TULP4: variants seen among roughly 807,000 people sequenced by gnomAD.
TULP4 encodes TUB like protein 4.
In TULP4, 16 loss-of-function variants were observed where a neutral mutation model predicts 129.0. The observed-to-expected ratio is 0.12, with a 90% CI of 0.08 to 0.19. TULP4 has a LOEUF of 0.19. Ranked by LOEUF, TULP4 falls within the 10% of genes least tolerant of loss-of-function variation. The probability of loss-of-function intolerance (pLI) is 1.00; values close to 1 mark genes in which losing one functional copy is unlikely to be tolerated. For missense variants in TULP4, 1,842 were observed against 2,059.1 expected (o/e 0.89, Z 2.04); for synonymous variants, 998 against 854.0 (o/e 1.17, Z -2.94).
chr6:158,370,448 A>C (rs2114873285), intron 1 of TULP4, among the ~76,000 whole-genome samples: 1 of 83,496 alleles, frequency 1.2e-5, no homozygotes. Flanking sequence ...CAAGAACAAA[A>C]CTCCATCTCA....
intron 1 of TULP4, among the ~76,000 whole-genome samples, chr6:158,306,568 A>C (rs192422668): frequency 1.3e-5 from 2 of 152,352 alleles, no homozygotes; most frequent in Non-Finnish European, 2.9e-5. Flanking sequence ...AAATAAAGAA[A>C]GAAGGAAAGA....
intron 1 of TULP4, among the ~76,000 whole-genome samples, chr6:158,359,929 C>T (rs1041430888): frequency 3.9e-5 from 6 of 152,170 alleles, no homozygotes; most frequent in African/African-American, 1.4e-4. Flanking sequence ...TGCTCTTGCC[C>T]ATTCACTTAT....
chr6:158,440,739 A>G (rs1038887458), intron 3 of TULP4, among the ~76,000 whole-genome samples: 7 of 152,192 alleles, frequency 4.6e-5, no homozygotes, highest in African/African-American at 1.2e-4. Flanking sequence ...TCTTTATCCA[A>G]TGATTGGTAC....
At chr6:158,409,616 T>G (rs1159516789) in intron 1 of TULP4, among the ~76,000 whole-genome samples, 1 of 152,164 alleles carries the variant, frequency 6.6e-6, no homozygotes, top group African/African-American at 2.4e-5. Flanking sequence ...TGGAAGGATT[T>G]AGAGAACAGG....
chr6:158,441,145 G>A (rs370770919), intron 3 of TULP4, among the ~76,000 whole-genome samples: 46 of 151,944 alleles, frequency 3.0e-4, no homozygotes, highest in Non-Finnish European at 5.1e-4. Flanking sequence ...GTGAAACCCC[G>A]TATCTATTAA....
At chr6:158,451,112 A>G (rs982711608) in intron 4 of TULP4, among the ~76,000 whole-genome samples, 4 of 152,164 alleles carry the variant, frequency 2.6e-5, no homozygotes, top group Non-Finnish European at 4.4e-5. Context: ...GGAAAAAAAA[A>G]CAGGACTCAG....
intron 2 of TULP4, among the ~76,000 whole-genome samples, chr6:158,419,610 ATAAACACAT>A (rs1350855229): frequency 1.3e-5 from 2 of 152,250 alleles, no homozygotes; most frequent in African/African-American, 4.8e-5. Context: ...ACTTAAGGAC[ATAAACACAT>A]TTAAAGGATG....
At chr6:158,374,173 G>C (rs1777132297) in intron 1 of TULP4, among the ~76,000 whole-genome samples, 1 of 152,040 alleles carries the variant, frequency 6.6e-6, no homozygotes, top group Non-Finnish European at 1.5e-5. Flanking sequence ...TATAGCCCCA[G>C]CTACGTGGGA....
At chr6:158,394,509 C>T (rs191498248) in intron 1 of TULP4, among the ~76,000 whole-genome samples, 49 of 152,088 alleles carry the variant, frequency 3.2e-4, no homozygotes, top group Admixed American at 2.5e-3. Context: ...CATGGCTGGG[C>T]GCGGTGGCTC....
intron 1 of TULP4, among the ~76,000 whole-genome samples, chr6:158,350,853 C>T (rs1367573921): frequency 1.3e-5 from 2 of 151,758 alleles, no homozygotes; most frequent in South Asian, 2.1e-4. Flanking sequence ...CTCCGCCTCC[C>T]GGTTTCCAGC....
rs187944577 is a variant in TULP4 at position 158,340,413 on chromosome 6, C to T, written c.252+26145C>T. On this transcript the variant is annotated intron_variant, in intron 1 of 13. Coordinates refer to ENST00000367097, the MANE Select transcript of TULP4 (RefSeq NM_020245.5). ...AGTGAGTCTTTCCCTCCTGCCCTGA[C>T]GCTGCTTGGGCCCTCCTCTGTGTGC... Among the ~76,000 whole-genome samples the T allele has an allele frequency of 1.9e-3, 290 of 152,074 alleles. 1 individual carries two copies. The highest frequency in any genetic ancestry group is 6.5e-3 in the African/African-American group (271 of 41,446).
chr6:158,331,848 A>G (rs1002650054), intron 1 of TULP4, among the ~76,000 whole-genome samples: 2 of 146,322 alleles, frequency 1.4e-5, no homozygotes, highest in African/African-American at 5.0e-5. Context: ...GAAACCACAC[A>G]GTGGGTTAAA....
At chr6:158,494,159 C>T (rs190431579) in intron 10 of TULP4, among the ~76,000 whole-genome samples, 28 of 152,298 alleles carry the variant, frequency 1.8e-4, no homozygotes, top group Non-Finnish European at 3.4e-4. Context: ...CTGTGACGGC[C>T]TCCTACCCTG....
At position 158,503,311 on chromosome 6, in the gene TULP4, G is replaced by A. The variant is rs767050507; in HGVS notation, c.3648G>A (p.Thr1216=). The change falls in exon 13 of 14, where the codon ACG becomes ACA. Residue 1216 remains threonine, a synonymous_variant. Transcript: ENST00000367097. This position sits in a 1 kb window ranked among gnomAD's most constrained non-coding sequence, Gnocchi z 4.3. ...CTCCCAAAGATGCCCTGTCCCCAAC[G>A]CAGTTTGCACAACAGGAGCCTGCTG... ...PCSPKDALSP[T]QFAQQEPAVV... 33 of 1,613,574 alleles carry A rather than the reference G, an allele frequency of 2.0e-5. No homozygotes were observed. Among genetic ancestry groups the A allele is most frequent in the Admixed American group, 3.3e-5 (2 of 59,998 alleles).
At chr6:158,375,840 G>A (rs988151523) in intron 1 of TULP4, among the ~76,000 whole-genome samples, 2 of 152,256 alleles carry the variant, frequency 1.3e-5, no homozygotes, top group Admixed American at 1.3e-4. Context: ...AGAAGCCAGA[G>A]TAGTGGGGGC....
At chr6:158,487,838 C>A (rs775057612) in intron 8 of TULP4, among the ~76,000 whole-genome samples, 2 of 152,214 alleles carry the variant, frequency 1.3e-5, no homozygotes, top group Non-Finnish European at 2.9e-5. Flanking sequence ...CCCCTTAAAT[C>A]GTCATTTATT....
chr6:158,372,127 T>G (rs1435641413), intron 1 of TULP4, among the ~76,000 whole-genome samples: 1 of 74,662 alleles, frequency 1.3e-5, no homozygotes, highest in Non-Finnish European at 3.0e-5. Context: ...TTTCTAGTTT[T>G]TTTTTTTTTT....
chr6:158,380,657 G>A (rs973932180), intron 1 of TULP4, among the ~76,000 whole-genome samples: 2 of 152,070 alleles, frequency 1.3e-5, no homozygotes, highest in African/African-American at 4.8e-5. Context: ...ACTTTGGGAG[G>A]TTGAGGCGGG....
chr6:158,275,327 G>C (rs1778625343), intron 1 of TULP4, among the ~76,000 whole-genome samples: 1 of 152,190 alleles, frequency 6.6e-6, no homozygotes, highest in African/African-American at 2.4e-5. Flanking sequence ...GATTCTGATG[G>C]TTCTGTGGAT....
Sources: gnomAD v4.1 joint callset for allele counts (sites outside exome capture counted in the v4.1 genomes callset) on GRCh38, gnomAD v4.1.1 for gene constraint, Gnocchi (gnomAD v3.1) non-coding constraint, MANE v1.5 for transcripts, NCBI Gene and HGNC (gene_info 2026-07-23, HGNC 2026-07-21) for gene names.